PAK2: variants seen among roughly 807,000 people sequenced by gnomAD.
The protein encoded by PAK2 is serine/threonine-protein kinase PAK 2.
Under a neutral mutation model 65.9 loss-of-function variants are expected in PAK2, and 21 were observed. That is an observed-to-expected ratio of 0.32 (90% CI 0.23 to 0.46). The LOEUF (loss-of-function observed/expected upper bound fraction) is 0.46, where lower values mean the gene tolerates loss of function less well. Ranked by LOEUF, PAK2 falls within the 20% of genes least tolerant of loss-of-function variation. The pLI is 1.00. For synonymous variants in PAK2, 204 were observed against 219.7 expected (o/e 0.93, Z 0.63); for missense variants, 324 against 642.6 (o/e 0.50, Z 5.36).
intron 1 of PAK2, among the ~76,000 whole-genome samples, chr3:196,777,386 T>A (rs1714570454): frequency 6.6e-6 from 1 of 152,084 alleles, no homozygotes; most frequent in Non-Finnish European, 1.5e-5. Context: ...AAATTTTTAG[T>A]ATAGACGGGG....
chr3:196,786,267 A>G lies in PAK2; in HGVS notation c.187+3434A>G, dbSNP rs577261351. The stretch of plus-strand genomic sequence containing the variant: ...AACCTCCGCCCCCCGGGTTCAATCA[A>G]TTCTCCTGCCTCAGCCTCCCGAGTA... On this transcript the variant is annotated intron_variant, in intron 2 of 14. Coordinates refer to ENST00000327134, the MANE Select transcript of PAK2 (RefSeq NM_002577.4). Among the ~76,000 whole-genome samples, 923 of 151,722 alleles carry G rather than the reference A, an allele frequency of 6.1e-3. 3 individuals carry two copies. Among genetic ancestry groups the G allele is most frequent in the Non-Finnish European group, 0.011 (757 of 67,914 alleles).
chr3:196,812,006 T>A (rs754161517), intron 8 of PAK2, among the ~76,000 whole-genome samples: 29 of 152,128 alleles, frequency 1.9e-4, no homozygotes, highest in Non-Finnish European at 2.9e-4. Context: ...TTTTTGTAGG[T>A]CTGAAATATT....
At chr3:196,804,838 T>C (rs1273312744) in intron 4 of PAK2, among the ~76,000 whole-genome samples, 4 of 150,878 alleles carry the variant, frequency 2.7e-5, no homozygotes, top group African/African-American at 9.8e-5. Context: ...CATATATATA[T>C]ATATATACAC....
At chr3:196,788,905 C>G (rs1714980524) in intron 2 of PAK2, among the ~76,000 whole-genome samples, 1 of 152,132 alleles carries the variant, frequency 6.6e-6, no homozygotes. Flanking sequence ...GTAGGCACTA[C>G]AGACAGCAGA....
intron 5 of PAK2, 126 bp from the exon 6 acceptor site, chr3:196,806,453 T>G: frequency 1.1e-4 from 65 of 616,450 alleles, no homozygotes; most frequent in East Asian, 4.4e-4. Flanking sequence ...TAAGAGCTAA[T>G]GAGATTTAGT....
At position 196,828,906 on chromosome 3, in the gene PAK2, C is replaced by A. The variant is rs1711973134; in HGVS notation, c.*501C>A. On this transcript the variant is annotated 3_prime_UTR_variant, in exon 15 of 15. Coordinates refer to ENST00000327134, the MANE Select transcript of PAK2 (RefSeq NM_002577.4). ...CAAGTGTAATAGAAATTATGTAGCTCCTTATGTTGGCAAAGGAGCTCTATA... is the reference window on the plus strand; with the variant it reads ...CAAGTGTAATAGAAATTATGTAGCTACTTATGTTGGCAAAGGAGCTCTATA... 6.4e-6 allele frequency: 1 copy of A among 155,156 alleles called. No individual in the cohort carries two copies. Among genetic ancestry groups the A allele is most frequent in the Non-Finnish European group, 1.4e-5 (1 of 70,058 alleles). The allele number at this position is 155,156 out of a possible 1,614,324, so 9.6% of individuals were successfully genotyped here. A position where few individuals can be genotyped will look rare whatever the true frequency, so the allele number is the denominator to read the frequency against.
chr3:196,771,314 C>T (rs2108730113), intron 1 of PAK2, among the ~76,000 whole-genome samples: 1 of 152,066 alleles, frequency 6.6e-6, no homozygotes, highest in Non-Finnish European at 1.5e-5. Context: ...TCTCCTTTGG[C>T]CAATTTTAGG....
rs537207305 is a variant in PAK2 at position 196,752,518 on chromosome 3, A to G, written c.-22+12361A>G. 2.0e-5 allele frequency among the ~76,000 whole-genome samples: 3 copies of G among 152,340 alleles called. No homozygotes were observed. In the South Asian group the frequency reaches 6.2e-4, roughly 32 times the overall value. ...TTCACCTCCGTGGTGAGCTTGGGAC[A>G]CAGAATATTGTTAATGTATTTTTTG... is the stretch of plus-strand genomic sequence containing the variant. On this transcript the variant is annotated intron_variant, in intron 1 of 14. Coordinates refer to ENST00000327134, the MANE Select transcript of PAK2 (RefSeq NM_002577.4).
chr3:196,803,462 A>G (rs1174831106), intron 4 of PAK2, among the ~76,000 whole-genome samples: 1 of 151,846 alleles, frequency 6.6e-6, no homozygotes, highest in Non-Finnish European at 1.5e-5. Context: ...TTCACTCTTC[A>G]CTGCTTTTAA....
chr3:196,751,663 T>TATATATATATATATATATA (rs1713589849), intron 1 of PAK2, among the ~76,000 whole-genome samples: 566 of 45,336 alleles, frequency 0.012, 45 homozygotes, highest in Non-Finnish European at 0.015. Flanking sequence ...ACACACAAAT[T>TATATATATATATATATATA]TATTTATATA....
chr3:196,766,931 CGTGTGTGTGTGTGTGTGTGT>C (rs60929724), intron 1 of PAK2, among the ~76,000 whole-genome samples: 6 of 134,406 alleles, frequency 4.5e-5, no homozygotes, highest in East Asian at 4.2e-4. Flanking sequence ...AAGTACACCC[CGTGTGTGTGTGTGTGTGTGT>C]GTGTGTGTGT....
rs138492901 is a variant in PAK2 at position 196,751,661 on chromosome 3, A to ATT, written c.-22+11506_-22+11507dup. Among the ~76,000 whole-genome samples, 22 of 48,962 alleles carry ATT rather than the reference A, an allele frequency of 4.5e-4. 2 individuals carry two copies. The highest frequency in any genetic ancestry group is 2.0e-3 in the African/African-American group (21 of 10,528). 32.1% of individuals were successfully genotyped at this position (48,962 alleles called of 152,430 possible). The stretch of plus-strand genomic sequence containing the variant: ...GACTGTCCCCCCAAAAAACACACAA[A>ATT]TTTATTTATATACATATATATATAT... On this transcript the variant is annotated intron_variant, in intron 1 of 14. Transcript: ENST00000327134.
intron 1 of PAK2, among the ~76,000 whole-genome samples, chr3:196,757,171 A>G (rs1174599847): frequency 6.6e-6 from 1 of 152,162 alleles, no homozygotes; most frequent in Non-Finnish European, 1.5e-5. Context: ...GGAACAGGTA[A>G]CTCAAGGTGA....
intron 8 of PAK2, among the ~76,000 whole-genome samples, chr3:196,811,208 T>C (rs13075723): frequency 0.44 from 4,103 of 9,370 alleles, 914 homozygotes; most frequent in East Asian, 0.92. Flanking sequence ...CCTCCCTTCC[T>C]TCCCTTCCCT....
intron 11 of PAK2, 150 bp from the exon 12 acceptor site, chr3:196,817,907 A>G (rs1387929278): frequency 2.1e-6 from 1 of 466,686 alleles, no homozygotes. Context: ...AACTTTGTAT[A>G]TAAGAGAGGA....
chr3:196,818,002 C>T lies in PAK2; in HGVS notation c.1054-55C>T, dbSNP rs566760673. On this transcript the variant is annotated intron_variant, in intron 11 of 14. Coordinates refer to ENST00000327134, the MANE Select transcript of PAK2 (RefSeq NM_002577.4). ...CTCAGGCCATAGCTACTGCATGTGC[C>T]TCCCTGTGTCTTTTCAGGGACTATT... 1.3e-5 allele frequency: 10 copies of T among 749,712 alleles called. No homozygotes were observed. The African/African-American group carries it at 1.6e-4, about 12-fold the overall frequency. 46.4% of individuals were successfully genotyped at this position (749,712 alleles called of 1,614,324 possible).
chr3:196,775,392 A>ATT (rs199601836), intron 1 of PAK2, among the ~76,000 whole-genome samples: 1 of 151,706 alleles, frequency 6.6e-6, no homozygotes, highest in Admixed American at 6.6e-5. Context: ...TTATTTATTT[A>ATT]TTTTTTTTGA....
chr3:196,778,772 T>C (rs919198138), intron 1 of PAK2, among the ~76,000 whole-genome samples: 3 of 152,188 alleles, frequency 2.0e-5, no homozygotes, highest in Non-Finnish European at 4.4e-5. Flanking sequence ...TCAGTCTTGT[T>C]TTTCGTGTCC....
intron 13 of PAK2, among the ~76,000 whole-genome samples, chr3:196,822,862 A>G (rs1711699243): frequency 6.6e-6 from 1 of 152,156 alleles, no homozygotes; most frequent in Non-Finnish European, 1.5e-5. Flanking sequence ...CTAAAGCAGG[A>G]GCGTTCCTTG....
Sources: gnomAD v4.1 joint callset for allele counts (sites outside exome capture counted in the v4.1 genomes callset) on GRCh38, gnomAD v4.1.1 for gene constraint, MANE v1.5 for transcripts, NCBI Gene and HGNC (gene_info 2026-07-23, HGNC 2026-07-21) for gene names.